Variants in CIT observed in about 807,000 individuals in gnomAD.
CIT encodes citron rho-interacting serine/threonine kinase.
In CIT, 79 loss-of-function variants were observed where a neutral mutation model predicts 272.7. That is an observed-to-expected ratio of 0.29 (90% confidence interval 0.24 to 0.35). The LOEUF (loss-of-function observed/expected upper bound fraction) is 0.35. Ranked by LOEUF, CIT falls within the 10% of genes least tolerant of loss-of-function variation. The pLI is 1.00. For missense variants in CIT, 1,909 were observed against 2,618.3 expected (o/e 0.73, Z 5.91); for synonymous variants, 948 against 995.6 (o/e 0.95, Z 0.90).
intron 4 of CIT, among the ~76,000 whole-genome samples, chr12:119,852,402 C>T (rs1316056281): frequency 1.3e-5 from 2 of 152,144 alleles, no homozygotes; most frequent in Non-Finnish European, 2.9e-5. Flanking sequence ...ATCCTCAACT[C>T]GATCGTTTTA....
chr12:119,848,636 G>C (rs1212098186), intron 5 of CIT, among the ~76,000 whole-genome samples: 1 of 152,196 alleles, frequency 6.6e-6, no homozygotes, highest in Non-Finnish European at 1.5e-5. Context: ...GGATGTCTGG[G>C]ATACACTGGT....
At chr12:119,752,910 T>C (rs899060171) in intron 22 of CIT, among the ~76,000 whole-genome samples, 4 of 152,164 alleles carry the variant, frequency 2.6e-5, no homozygotes, top group African/African-American at 9.7e-5. Context: ...CCATATATCA[T>C]GGTCAAGTGC....
chr12:119,750,727 A>T (rs1960105680), intron 23 of CIT, among the ~76,000 whole-genome samples: 7 of 151,456 alleles, frequency 4.6e-5, no homozygotes. Flanking sequence ...TAAGAATGAA[A>T]CTACGTTAAA....
chr12:119,833,980 G>T, intron 6 of CIT, 106 bp downstream of exon 6: 1 of 1,180,500 alleles, frequency 8.5e-7, no homozygotes, highest in Non-Finnish European at 1.2e-6. Flanking sequence ...ACTGGATGGG[G>T]CGTTATCTTG....
chr12:119,781,039 C>T (rs1484924295), intron 13 of CIT, among the ~76,000 whole-genome samples: 2 of 152,164 alleles, frequency 1.3e-5, no homozygotes, highest in Non-Finnish European at 2.9e-5. Flanking sequence ...CTTTCATTTC[C>T]CCAGGATGTC....
In CIT at chr12:119,714,218, G is replaced by A. The variant is rs762291203; in HGVS notation, c.4285C>T (p.Arg1429Cys). 1.2e-6 allele frequency: 2 copies of A among 1,613,966 alleles called. No homozygotes were observed. The highest frequency in any genetic ancestry group is 1.3e-5 in the African/African-American group (1 of 74,884). ...AVCLDTVHFG[R>C]QASKCLECQV... is the part of the protein sequence containing the mutation. The stretch of plus-strand genomic sequence containing the variant: ...TTACCGAGACATTTGGATGCCTGGC[G>A]TCCAAAGTGCACGGTATCCAGACAC... The change falls in exon 33 of 48, where the codon CGC becomes TGC. Residue 1429 changes from arginine (R) to cysteine (C), a missense_variant. Arg to Cys is a radical substitution (Grantham distance 180). Transcript: ENST00000392521.
intron 19 of CIT, among the ~76,000 whole-genome samples, chr12:119,763,750 AG>A (rs1477943785): frequency 6.6e-6 from 1 of 152,218 alleles, no homozygotes; most frequent in Non-Finnish European, 1.5e-5. Flanking sequence ...ACAATATTCA[AG>A]ATATAATAAA....
intron 10 of CIT, among the ~76,000 whole-genome samples, chr12:119,785,565 C>CT (rs35722685): frequency 1.3e-4 from 19 of 148,590 alleles, no homozygotes; most frequent in Middle Eastern, 3.5e-3. Flanking sequence ...TCATCCCGGA[C>CT]TTTTTTTTTT....
chr12:119,828,645 C>A (rs1030188086), intron 7 of CIT, among the ~76,000 whole-genome samples: 4 of 152,162 alleles, frequency 2.6e-5, no homozygotes, highest in Middle Eastern at 3.4e-3. Context: ...TCACTGCAAC[C>A]TCCAGCCCCT....
In CIT at chr12:119,803,247, C is replaced by T; in HGVS notation, c.1254G>A (p.Gly418=). The T allele has an allele frequency of 1.3e-6, 2 of 1,598,112 alleles. No individual in the cohort carries two copies. The highest frequency in any genetic ancestry group is 1.7e-6 in the Non-Finnish European group (2 of 1,173,784). Residue 418 remains glycine (G), a synonymous_variant, in exon 10 of 48, where the codon GGG becomes GGA. Transcript: ENST00000392521. ...TCCCCAGTGCCTTGCTGTACGAAAACCCCACAAACGGCAGTTCTTCACCCG... is the reference window on the plus strand; with the variant it reads ...TCCCCAGTGCCTTGCTGTACGAAAATCCCACAAACGGCAGTTCTTCACCCG... ...GFSGEELPFV[G]FSYSKALGIL...
rs778360343 is a variant in CIT at position 119,728,451 on chromosome 12, A to G, written c.3591+51T>C. 6.4e-6 allele frequency: 8 copies of G among 1,245,064 alleles called. No individual in the cohort carries two copies. In the African/African-American group the frequency reaches 1.2e-4, roughly 19 times the overall value. 77.1% of individuals were successfully genotyped at this position (1,245,064 alleles called of 1,614,324 possible). Reference sequence around the variant, plus strand: ...CTGCTCCAAAAAAAAGAAGCCTATTAAAAGAAAAAAAAAATCCACTTGGCC... The same window carrying G: ...CTGCTCCAAAAAAAAGAAGCCTATTGAAAGAAAAAAAAAATCCACTTGGCC... On this transcript the variant is annotated intron_variant, in intron 28 of 47. Coordinates refer to ENST00000392521, the MANE Select transcript of CIT (RefSeq NM_001206999.2). This position sits in a 1 kb window ranked among gnomAD's most constrained non-coding sequence, Gnocchi z 4.3.
At chr12:119,812,319 C>T (rs1296819486) in intron 9 of CIT, among the ~76,000 whole-genome samples, 1 of 152,128 alleles carries the variant, frequency 6.6e-6, no homozygotes, top group Admixed American at 6.5e-5. Context: ...GCCCAGGCAA[C>T]CTTCCCTTTC....
chr12:119,820,482 G>C (rs1418164282), intron 9 of CIT, among the ~76,000 whole-genome samples: 3 of 151,998 alleles, frequency 2.0e-5, no homozygotes, highest in East Asian at 1.9e-4. Context: ...CCCAGGAGGC[G>C]GAGGTTGCAG....
intron 28 of CIT, among the ~76,000 whole-genome samples, chr12:119,726,095 A>G (rs1958085483): frequency 6.6e-6 from 1 of 152,094 alleles, no homozygotes; most frequent in African/African-American, 2.4e-5. Flanking sequence ...CATAAAATTT[A>G]CCATTTTAAC....
chr12:119,838,972 G>C (rs138645266), intron 5 of CIT, among the ~76,000 whole-genome samples: 6 of 152,350 alleles, frequency 3.9e-5, no homozygotes, highest in Non-Finnish European at 7.3e-5. Context: ...TGATGGCAGA[G>C]AAAGCACAGC....
chr12:119,739,995 T>C (rs1593543612), intron 24 of CIT, among the ~76,000 whole-genome samples: 1 of 152,200 alleles, frequency 6.6e-6, no homozygotes, highest in African/African-American at 2.4e-5. Flanking sequence ...AGAGGCTTAG[T>C]AGGATAATAC....
At chr12:119,709,752 T>G (rs1038810794) in intron 39 of CIT, among the ~76,000 whole-genome samples, 2 of 137,542 alleles carry the variant, frequency 1.5e-5, no homozygotes, top group African/African-American at 6.5e-5. Context: ...AACTCTCAAA[T>G]GGTTCAGGAA....
chr12:119,870,030 T>C (rs913571910), intron 2 of CIT, among the ~76,000 whole-genome samples: 1 of 152,166 alleles, frequency 6.6e-6, no homozygotes, highest in Non-Finnish European at 1.5e-5. Flanking sequence ...TCTGCAACCC[T>C]GGTATAGAGC....
chr12:119,829,403 A>AGAGCT (rs1968449428), intron 7 of CIT, among the ~76,000 whole-genome samples: 1 of 147,778 alleles, frequency 6.8e-6, no homozygotes, highest in Non-Finnish European at 1.5e-5. Flanking sequence ...AGAGAAGAGA[A>AGAGCT]GAGCTTACAA....
Sources: gnomAD v4.1 joint callset for allele counts (sites outside exome capture counted in the v4.1 genomes callset) on GRCh38, gnomAD v4.1.1 for gene constraint, Gnocchi (gnomAD v3.1) non-coding constraint, MANE v1.5 for transcripts, NCBI Gene and HGNC (gene_info 2026-07-23, HGNC 2026-07-21) for gene names.